DNAH17: variants seen among roughly 807,000 people sequenced by gnomAD.
DNAH17 encodes axonemal beta dynein heavy chain 17.
A neutral mutation model predicts 485.6 loss-of-function variants in DNAH17; 376 were observed. That is an observed-to-expected ratio of 0.77 (90% CI 0.71 to 0.84). The LOEUF is 0.84. Ranked by LOEUF, DNAH17 falls within the 40% of genes least tolerant of loss-of-function variation. The pLI is 0.00. For missense variants in DNAH17, 6,370 were observed against 5,839.3 expected (o/e 1.09, Z -2.96); for synonymous variants, 3,031 against 2,405.9 (o/e 1.26, Z -7.60).
Position 78,450,309 on chromosome 17 carries a change from T to G in DNAH17, c.10985A>C (p.Tyr3662Ser). 1 of 1,614,008 alleles carries G rather than the reference T, an allele frequency of 6.2e-7. No individual in the cohort carries two copies. Among genetic ancestry groups the G allele is most frequent in the Non-Finnish European group, 8.5e-7 (1 of 1,179,888 alleles). Reference sequence around the variant, plus strand: ...TTTGTTGAGATCGTTCAGTATGAAGTAGAGCAGAGATGCCCTCTCCGCAGC... The same window carrying G: ...TTTGTTGAGATCGTTCAGTATGAAGGAGAGCAGAGATGCCCTCTCCGCAGC... ...RPAAERASLL[Y>S]FILNDLNKIN... Residue 3662 changes from tyrosine (Y) to serine (S), a missense_variant, in exon 68 of 81, where the codon TAC becomes TCC. Physicochemically the swap from Tyr to Ser is moderately radical, Grantham distance 144. Coordinates refer to ENST00000389840, the MANE Select transcript of DNAH17 (RefSeq NM_173628.4).
rs772610721 is a variant in DNAH17, at chr17:78,571,622, G to A, written c.700C>T (p.Arg234Trp). The change falls in exon 4 of 81, where the codon CGG becomes TGG. Residue 234 changes from arginine (R) to tryptophan (W), a missense_variant. By Grantham distance (101) the Arg-to-Trp change is moderately radical. Coordinates refer to ENST00000389840, the MANE Select transcript of DNAH17 (RefSeq NM_173628.4). ...PQVEFEFWDT[R>W]LLNLKCIHEQ... ...TGGATGCACTTGAGGTTCAGCAGCC[G>A]AGTGTCCCAGAACTCGAACTCCACT... is the stretch of plus-strand genomic sequence containing the variant. 8.1e-6 allele frequency: 13 copies of A among 1,613,802 alleles called. No homozygotes were observed. Among genetic ancestry groups the A allele is most frequent in the African/African-American group, 1.3e-5 (1 of 74,912 alleles).
intron 9 of DNAH17, among the ~76,000 whole-genome samples, chr17:78,567,625 C>A (rs2092288879): frequency 6.6e-6 from 1 of 152,106 alleles, no homozygotes; most frequent in Non-Finnish European, 1.5e-5. Context: ...CGAAGGTGAT[C>A]CAAGAAGAAA....
At position 78,459,817 on chromosome 17, in the gene DNAH17, T is replaced by C; in HGVS notation, c.9620A>G (p.Glu3207Gly). Residue 3207 changes from glutamate to glycine, a missense_variant, in exon 60 of 81, where the codon GAG becomes GGG. Coordinates refer to ENST00000389840, the MANE Select transcript of DNAH17 (RefSeq NM_173628.4). ...CTTCAGGCAGGCCTCAGGGATGTGCTCCTTGTCGAACTTCTTCAGGGAGTC... is the reference window on the plus strand; with the variant it reads ...CTTCAGGCAGGCCTCAGGGATGTGCCCCTTGTCGAACTTCTTCAGGGAGTC... Reference protein sequence around the residue: ...FLDSLKKFDKEHIPEACLKAF... With the variant: ...FLDSLKKFDKGHIPEACLKAF... 1 of 1,614,034 alleles carries C rather than the reference T, an allele frequency of 6.2e-7. No individual in the cohort carries two copies. Among genetic ancestry groups the C allele is most frequent in the Admixed American group, 1.7e-5 (1 of 60,030 alleles).
rs571668462 is a variant in DNAH17, at chr17:78,570,464, G to A, written c.919-92C>T. The A allele has an allele frequency of 6.8e-6, 10 of 1,476,136 alleles. No homozygotes were observed. In the African/African-American group the frequency reaches 1.3e-4, roughly 19 times the overall value. The allele number at this position is 1,476,136 out of a possible 1,614,324, so 91.4% of individuals were successfully genotyped here. A position where few individuals can be genotyped will look rare whatever the true frequency, so the allele number is the denominator to read the frequency against. ...CCCTTCCCTTCCCATGGCTCTCACT[G>A]GGTATCCAGCAGAGGGTTCCCAAAG... On this transcript the variant is annotated intron_variant, in intron 6 of 80. Coordinates refer to ENST00000389840, the MANE Select transcript of DNAH17 (RefSeq NM_173628.4).
chr17:78,497,039 A>C (rs1389660707), intron 37 of DNAH17: 18 of 152,158 alleles, frequency 1.2e-4, no homozygotes, highest in Admixed American at 1.2e-3. Flanking sequence ...AGGAACCAGT[A>C]AGTATTTCAA....
At chr17:78,438,958 T>C in intron 73 of DNAH17, 132 bp downstream of exon 73, 1 of 1,329,108 alleles carries the variant, frequency 7.5e-7, no homozygotes, top group East Asian at 2.6e-5. Context: ...CCTCCTTCAG[T>C]GGTGTTAGGA....
intron 11 of DNAH17, 41 bp downstream of exon 11, chr17:78,566,573 G>T: frequency 7.2e-7 from 1 of 1,394,780 alleles, no homozygotes; most frequent in Non-Finnish European, 1.0e-6. Context: ...CCACCACAGT[G>T]CCAGGCTCCA....
At chr17:78,446,040 G>A (rs897838813) in intron 69 of DNAH17, among the ~76,000 whole-genome samples, 1 of 151,738 alleles carries the variant, frequency 6.6e-6, no homozygotes, top group Non-Finnish European at 1.5e-5. Flanking sequence ...CGGGCGTGGT[G>A]GTGCATGCCT....
intron 9 of DNAH17, among the ~76,000 whole-genome samples, chr17:78,568,596 T>A (rs1888518274): frequency 6.6e-6 from 1 of 152,042 alleles, no homozygotes; most frequent in Admixed American, 6.5e-5. Context: ...GCCTTGAAGC[T>A]TTTTTTTGAA....
chr17:78,442,669 C>T (rs903799637), intron 71 of DNAH17, among the ~76,000 whole-genome samples: 1 of 152,240 alleles, frequency 6.6e-6, no homozygotes, highest in Non-Finnish European at 1.5e-5. Context: ...GACATGGTGG[C>T]TTTGACAAAG....
At position 78,475,803 on chromosome 17, in the gene DNAH17, G is replaced by T; in HGVS notation, c.8185C>A (p.Pro2729Thr). ...DLGDELLFAK[P>T]NIFCHFAQGI... Reference sequence around the variant, plus strand: ...TGAGCAAAGTGGCAGAAGATATTTGGCTTGGCAAATAAGAGTTCATCACCA... The same window carrying T: ...TGAGCAAAGTGGCAGAAGATATTTGTCTTGGCAAATAAGAGTTCATCACCA... Residue 2729 changes from proline to threonine, a missense_variant, in exon 53 of 81, where the codon CCA becomes ACA. Transcript: ENST00000389840. 1 of 1,613,708 alleles carries T rather than the reference G, an allele frequency of 6.2e-7. No homozygotes were observed. Among genetic ancestry groups the T allele is most frequent in the South Asian group, 1.1e-5 (1 of 91,014 alleles).
intron 54 of DNAH17, chr17:78,472,693 G>A (rs542181008): frequency 8.8e-6 from 4 of 452,882 alleles, no homozygotes; most frequent in Admixed American, 7.1e-5. Context: ...CCCCAGCCGA[G>A]TCCCCGAGGT....
chr17:78,468,031 AAAG>A (rs1297892803), intron 55 of DNAH17, among the ~76,000 whole-genome samples: 9 of 100,148 alleles, frequency 9.0e-5, no homozygotes, highest in Non-Finnish European at 1.9e-4. Context: ...AAAAAAAAAA[AAAG>A]AGAGAGAGAG....
At chr17:78,516,425 G>A (rs918629946) in intron 25 of DNAH17, among the ~76,000 whole-genome samples, 4 of 152,184 alleles carry the variant, frequency 2.6e-5, no homozygotes, top group African/African-American at 7.2e-5. Context: ...GGCGGCTCAC[G>A]CCTGCAATCC....
intron 56 of DNAH17, among the ~76,000 whole-genome samples, chr17:78,463,821 C>A (rs541753234): frequency 6.6e-6 from 1 of 152,298 alleles, no homozygotes; most frequent in South Asian, 2.1e-4. Context: ...AATTTTAATT[C>A]AGGACATTTT....
chr17:78,488,561 C>T (rs76718181), intron 44 of DNAH17, among the ~76,000 whole-genome samples: 4,070 of 152,206 alleles, frequency 0.027, 178 homozygotes, highest in African/African-American at 0.092. Context: ...CAGCTCCTAC[C>T]CAGGCTTCAT....
chr17:78,473,524 A>G (rs2088866446), intron 54 of DNAH17, among the ~76,000 whole-genome samples: 1 of 144,416 alleles, frequency 6.9e-6, no homozygotes, highest in South Asian at 2.2e-4. Flanking sequence ...AGCCTGGGCG[A>G]CAGAGTGAGA....
At position 78,476,779 on chromosome 17, in the gene DNAH17, C is replaced by T. The variant is rs370776089; in HGVS notation, c.7993-46G>A. On this transcript the variant is annotated intron_variant, in intron 51 of 80. Transcript: ENST00000389840. ...TCAGCACCGTCAGCTGTTACGAAGGCGAGCCCAGAGCTGGACACAGATGAC... is the reference window on the plus strand; with the variant it reads ...TCAGCACCGTCAGCTGTTACGAAGGTGAGCCCAGAGCTGGACACAGATGAC... The T allele has an allele frequency of 3.8e-4, 601 of 1,586,426 alleles. 1 individual carries two copies. The highest frequency in any genetic ancestry group is 4.2e-4 in the Non-Finnish European group (488 of 1,166,710).
chr17:78,489,126 C>T (rs2089738187), intron 44 of DNAH17, among the ~76,000 whole-genome samples: 1 of 152,212 alleles, frequency 6.6e-6, no homozygotes, highest in Non-Finnish European at 1.5e-5. Context: ...GCTCCTGGCC[C>T]TGTCCCCATA....
Sources: gnomAD v4.1 joint callset for allele counts (sites outside exome capture counted in the v4.1 genomes callset) on GRCh38, gnomAD v4.1.1 for gene constraint, MANE v1.5 for transcripts, NCBI Gene and HGNC (gene_info 2026-07-23, HGNC 2026-07-21) for gene names.